EPB41L2: variants seen among roughly 807,000 people sequenced by gnomAD.
The protein encoded by EPB41L2 is band 4.1-like protein 2.
Under a neutral mutation model 113.0 loss-of-function variants are expected in EPB41L2, and 43 were observed. The observed-to-expected ratio is 0.38, with a 90% CI of 0.30 to 0.49. The LOEUF (loss-of-function observed/expected upper bound fraction) is 0.49. Ranked by LOEUF, EPB41L2 falls within the 20% of genes least tolerant of loss-of-function variation. The pLI, the probability that EPB41L2 is intolerant of heterozygous loss-of-function variation, is 0.95. For synonymous variants in EPB41L2, 442 were observed against 436.7 expected, an observed-to-expected ratio of 1.01 and a Z score of -0.15; for missense variants, 1,147 against 1,223.4, an observed-to-expected ratio of 0.94 and a Z score of 0.93.
Position 130,878,259 on chromosome 6 carries a change from A to G in EPB41L2, c.1897-9T>C, listed in dbSNP as rs1788178693. ...TGGGCCTTATCCAGTTCCTAGCAATATGTAACGTAACAAAGGGGGGAAAAA... is the reference window on the plus strand; with the variant it reads ...TGGGCCTTATCCAGTTCCTAGCAATGTGTAACGTAACAAAGGGGGGAAAAA... On this transcript the variant is annotated splice_polypyrimidine_tract_variant and intron_variant, in intron 13 of 19. Coordinates refer to ENST00000337057, the MANE Select transcript of EPB41L2 (RefSeq NM_001431.4). 2 of 1,595,814 alleles carry G rather than the reference A, an allele frequency of 1.3e-6. No individual in the cohort carries two copies. Among genetic ancestry groups the G allele is most frequent in the Non-Finnish European group, 1.7e-6 (2 of 1,173,846 alleles).
intron 11 of EPB41L2, among the ~76,000 whole-genome samples, chr6:130,889,188 T>C (rs1304095154): frequency 6.6e-6 from 1 of 151,696 alleles, no homozygotes; most frequent in Admixed American, 6.6e-5. Context: ...TATATTTTAG[T>C]TCAATCAACC....
chr6:130,872,349 G>T, intron 14 of EPB41L2: 1 of 1,275,254 alleles, frequency 7.8e-7, no homozygotes, highest in Non-Finnish European at 1.0e-6. Flanking sequence ...TTTAGTAACA[G>T]GGGAAACAAA....
chr6:131,033,064 C>CAGGG lies in EPB41L2; in HGVS notation c.-15+30087_-15+30090dup, dbSNP rs200452213. ...CTAATTTTTGTAGTTTTAGTAGAGA[C>CAGGG]AGGGTTTCACCATCTTGGCAAGGCT... is the stretch of plus-strand genomic sequence containing the variant. On this transcript the variant is annotated intron_variant, in intron 1 of 19. Transcript: ENST00000337057. Among the ~76,000 whole-genome samples, 1,008 of 152,160 alleles carry CAGGG rather than the reference C, an allele frequency of 6.6e-3. 18 individuals carry two copies. Among genetic ancestry groups the CAGGG allele is most frequent in the African/African-American group, 0.023 (974 of 41,510 alleles).
chr6:131,058,042 T>C (rs1797930357), intron 1 of EPB41L2, among the ~76,000 whole-genome samples: 1 of 152,232 alleles, frequency 6.6e-6, no homozygotes, highest in South Asian at 2.1e-4. Context: ...CTTCAATTTA[T>C]TCCAGATTAT....
intron 1 of EPB41L2, 114 bp from the exon 2 acceptor site, chr6:130,956,613 G>T: frequency 1.1e-6 from 1 of 915,674 alleles, no homozygotes; most frequent in Non-Finnish European, 1.6e-6. Context: ...ATGACAGGGA[G>T]AAAGCACATC....
chr6:130,980,298 G>A (rs1779105344), intron 1 of EPB41L2, among the ~76,000 whole-genome samples: 1 of 152,154 alleles, frequency 6.6e-6, no homozygotes. Context: ...GGATTCAGGG[G>A]AGATGTATGT....
Position 130,909,619 on chromosome 6 carries a change from T to C in EPB41L2, c.811-756A>G, listed in dbSNP as rs181851709. Among the ~76,000 whole-genome samples, 1,141 of 152,330 alleles carry C rather than the reference T, an allele frequency of 7.5e-3. 15 individuals carry two copies. The highest frequency in any genetic ancestry group is 0.01 in the Non-Finnish European group (713 of 68,024). On this transcript the variant is annotated intron_variant, in intron 4 of 19. Coordinates refer to ENST00000337057, the MANE Select transcript of EPB41L2 (RefSeq NM_001431.4). ...TTGTCTCTGTTTGCAGATGACATGA[T>C]TGTATATTTAGAAAACCCCATTGTC...
intron 3 of EPB41L2, among the ~76,000 whole-genome samples, chr6:130,951,941 A>C (rs909602533): frequency 6.6e-6 from 1 of 152,170 alleles, no homozygotes; most frequent in Non-Finnish European, 1.5e-5. Context: ...ATGGTGTGGA[A>C]AAGAGCCATA....
At chr6:131,022,896 C>A (rs985193228) in intron 1 of EPB41L2, among the ~76,000 whole-genome samples, 1 of 152,184 alleles carries the variant, frequency 6.6e-6, no homozygotes, top group Non-Finnish European at 1.5e-5. Context: ...GGATAAAATT[C>A]TTGTGACATC....
In EPB41L2 at chr6:131,052,891, C is replaced by T. The variant is rs557970311; in HGVS notation, c.-15+10264G>A. Among the ~76,000 whole-genome samples, 16 of 152,194 alleles carry T rather than the reference C, an allele frequency of 1.1e-4. No homozygotes were observed. In the East Asian group the frequency reaches 1.2e-3, roughly 11 times the overall value. Reference sequence around the variant, plus strand: ...ACATCAATTTGAACAACTATCTACACACAAAAATATAAATTTTTTTTTTTG... The same window carrying T: ...ACATCAATTTGAACAACTATCTACATACAAAAATATAAATTTTTTTTTTTG... On this transcript the variant is annotated intron_variant, in intron 1 of 19. Coordinates refer to ENST00000337057, the MANE Select transcript of EPB41L2 (RefSeq NM_001431.4).
rs1404551445 is a variant in EPB41L2 at position 130,925,894 on chromosome 6, A to G, written c.810+711T>C. 3.9e-5 allele frequency among the ~76,000 whole-genome samples: 6 copies of G among 152,242 alleles called. No homozygotes were observed. In the East Asian group the frequency reaches 9.6e-4, roughly 24 times the overall value. On this transcript the variant is annotated intron_variant, in intron 4 of 19. Coordinates refer to ENST00000337057, the MANE Select transcript of EPB41L2 (RefSeq NM_001431.4). The stretch of plus-strand genomic sequence containing the variant: ...AACAAAGAATTAAACCACAAATTAG[A>G]TATCAAGTATTTAAAGCTAAGCAAG...
chr6:130,872,562 G>C (rs1461374211), intron 14 of EPB41L2: 6 of 1,285,278 alleles, frequency 4.7e-6, no homozygotes, highest in African/African-American at 1.5e-5. Flanking sequence ...AAAAGGAAGA[G>C]CAAAGAATTA....
rs573721344 is a variant in EPB41L2 at position 130,956,517 on chromosome 6, A to G, written c.-14-18T>C. ...AGCTTATGCTGTAATCAAAACAAAA[A>G]TCATAAAATGTCATTTTGTAAGTTC... On this transcript the variant is annotated intron_variant, in intron 1 of 19. Transcript: ENST00000337057. 273 of 1,564,492 alleles carry G rather than the reference A, an allele frequency of 1.7e-4. 1 individual carries two copies. The highest frequency in any genetic ancestry group is 3.7e-4 in the African/African-American group (27 of 72,784).
At chr6:130,947,022 C>G (rs560154936) in intron 3 of EPB41L2, among the ~76,000 whole-genome samples, 1 of 141,670 alleles carries the variant, frequency 7.1e-6, no homozygotes, top group Non-Finnish European at 1.5e-5. Flanking sequence ...AGAAGACCCC[C>G]CCCCCAGCCC....
intron 3 of EPB41L2, among the ~76,000 whole-genome samples, chr6:130,950,218 C>CCTTT (rs1814416494): frequency 6.6e-6 from 1 of 151,570 alleles, no homozygotes; most frequent in African/African-American, 2.4e-5. Context: ...ACAGTTATCC[C>CCTTT]AAAGAAAAAG....
intron 5 of EPB41L2, among the ~76,000 whole-genome samples, chr6:130,906,212 G>A (rs1429378034): frequency 6.6e-6 from 1 of 152,110 alleles, no homozygotes; most frequent in African/African-American, 2.4e-5. Context: ...AATAACACTA[G>A]AACATGCTTG....
intron 1 of EPB41L2, among the ~76,000 whole-genome samples, chr6:131,033,052 T>G (rs975289736): frequency 2.6e-5 from 4 of 151,994 alleles, no homozygotes; most frequent in African/African-American, 9.7e-5. Flanking sequence ...ATTTTTGTAG[T>G]TTTAGTAGAG....
intron 12 of EPB41L2, chr6:130,880,826 GA>G: frequency 3.7e-6 from 1 of 269,720 alleles, no homozygotes; most frequent in Non-Finnish European, 6.9e-6. Flanking sequence ...GTTCTAATTT[GA>G]AATGTCTAAA....
intron 11 of EPB41L2, among the ~76,000 whole-genome samples, chr6:130,889,471 A>G (rs1240206120): frequency 6.6e-6 from 1 of 152,016 alleles, no homozygotes; most frequent in Non-Finnish European, 1.5e-5. Context: ...TCACATTTAT[A>G]CATATTTTCC....
Sources: allele counts gnomAD v4.1 joint callset (sites outside exome capture counted in the v4.1 genomes callset), GRCh38; gene constraint gnomAD v4.1.1; transcripts MANE v1.5; gene names NCBI Gene and HGNC (gene_info 2026-07-23, HGNC 2026-07-21).